Variants in DLG2 observed in about 807,000 individuals in gnomAD.
The protein encoded by DLG2 is disks large homolog 2.
DLG2 carries 45 observed loss-of-function variants against 132.5 expected under a neutral mutation model. The observed-to-expected ratio is 0.34, with a 90% CI of 0.27 to 0.44. The LOEUF is 0.44. DLG2 is among the 20% of genes least tolerant of loss of function. The pLI, the probability that DLG2 is intolerant of heterozygous loss-of-function variation, is 1.00. For synonymous variants in DLG2, 424 were observed against 419.6 expected (o/e 1.01, Z -0.13); for missense variants, 1,045 against 1,196.9 (o/e 0.87, Z 1.87).
chr11:83,480,145 T>C (rs1002452964), intron 22 of DLG2, among the ~76,000 whole-genome samples: 3 of 152,060 alleles, frequency 2.0e-5, no homozygotes, highest in Non-Finnish European at 4.4e-5. Flanking sequence ...GTTGGAATTG[T>C]TTATTAGCAA....
intron 11 of DLG2, among the ~76,000 whole-genome samples, chr11:84,015,773 T>C (rs1183944429): frequency 6.6e-6 from 1 of 152,222 alleles, no homozygotes; most frequent in Admixed American, 6.5e-5. Flanking sequence ...ATTTTCTTTA[T>C]CTAGTCTATC....
chr11:84,171,659 T>C (rs977127442), intron 8 of DLG2, among the ~76,000 whole-genome samples: 1 of 152,218 alleles, frequency 6.6e-6, no homozygotes, highest in African/African-American at 2.4e-5. Flanking sequence ...ATCTTTGCTA[T>C]TGTGAATAGA....
At chr11:83,790,046 T>A in intron 17 of DLG2, 7 of 1,377,578 alleles carry the variant, frequency 5.1e-6, no homozygotes, top group Non-Finnish European at 6.8e-6. Context: ...TATTCTGGTA[T>A]ACTGACATAA....
intron 7 of DLG2, among the ~76,000 whole-genome samples, chr11:84,294,068 C>CA (rs1424205315): frequency 6.6e-6 from 1 of 152,040 alleles, no homozygotes. Context: ...TACAGTACAC[C>CA]ATTCACCTTG....
intron 16 of DLG2, among the ~76,000 whole-genome samples, chr11:83,862,110 A>T (rs1469601798): frequency 6.6e-5 from 10 of 152,216 alleles, no homozygotes; most frequent in Admixed American, 6.5e-4. Context: ...AAAAGAAAGG[A>T]AATCAGTATA....
At chr11:84,559,346 G>A (rs971783544) in intron 6 of DLG2, among the ~76,000 whole-genome samples, 7 of 152,018 alleles carry the variant, frequency 4.6e-5, no homozygotes, top group Non-Finnish European at 8.8e-5. Flanking sequence ...TAGGGAGATG[G>A]CATAACTTAG....
At chr11:85,107,268 C>T (rs989312978) in intron 6 of DLG2, among the ~76,000 whole-genome samples, 6 of 151,870 alleles carry the variant, frequency 4.0e-5, no homozygotes, top group African/African-American at 1.4e-4. Context: ...AAATATGCAA[C>T]AAAACAAAAG....
At chr11:84,821,222 CAAAG>C (rs1345083830) in intron 6 of DLG2, among the ~76,000 whole-genome samples, 2 of 151,774 alleles carry the variant, frequency 1.3e-5, no homozygotes, top group African/African-American at 4.8e-5. Flanking sequence ...TGTGTCTTCC[CAAAG>C]ACAGACCACT....
chr11:83,953,939 TGAAAG>T (rs2086152744), intron 14 of DLG2, among the ~76,000 whole-genome samples: 1 of 152,182 alleles, frequency 6.6e-6, no homozygotes, highest in Non-Finnish European at 1.5e-5. Flanking sequence ...AACTAAAGAA[TGAAAG>T]CAAGGATGAA....
intron 10 of DLG2, among the ~76,000 whole-genome samples, chr11:84,092,190 C>T (rs2097103397): frequency 6.6e-6 from 1 of 152,286 alleles, no homozygotes; most frequent in Non-Finnish European, 1.5e-5. Flanking sequence ...TGTCCACATT[C>T]GAAGGAAAGG....
chr11:83,936,927 G>A (rs1220150503), intron 14 of DLG2, among the ~76,000 whole-genome samples: 27 of 152,158 alleles, frequency 1.8e-4, no homozygotes, highest in Admixed American at 1.7e-3. Flanking sequence ...TAGTCTAAGA[G>A]TCACAGGGTC....
intron 6 of DLG2, among the ~76,000 whole-genome samples, chr11:84,804,234 G>T (rs1223870132): frequency 1.3e-5 from 2 of 152,154 alleles, no homozygotes; most frequent in African/African-American, 4.8e-5. Context: ...CCAACTTTAT[G>T]TTTACAGTGA....
chr11:85,041,878 G>A (rs2061898633), intron 6 of DLG2, among the ~76,000 whole-genome samples: 1 of 151,906 alleles, frequency 6.6e-6, no homozygotes, highest in Admixed American at 6.6e-5. Context: ...CTCTCTATGA[G>A]CAGAAGCAAA....
chr11:84,306,633 T>C (rs532717005), intron 7 of DLG2, among the ~76,000 whole-genome samples: 26 of 152,230 alleles, frequency 1.7e-4, no homozygotes, highest in Non-Finnish European at 3.4e-4. Context: ...TTAATATTCA[T>C]GACTGTCTAG....
chr11:84,700,100 T>C lies in DLG2; in HGVS notation c.358-165369A>G, dbSNP rs541565821. On this transcript the variant is annotated intron_variant, in intron 6 of 27. Transcript: ENST00000376104. Reference sequence around the variant, plus strand: ...ATAGGTAGTTAATAAATGCTACTTTTCTTCCTTTACTTTCTTTGCTATTAA... The same window carrying C: ...ATAGGTAGTTAATAAATGCTACTTTCCTTCCTTTACTTTCTTTGCTATTAA... Among the ~76,000 whole-genome samples the C allele has an allele frequency of 6.6e-5, 10 of 151,826 alleles. No homozygotes were observed. The South Asian group carries it at 1.4e-3, about 22-fold the overall frequency.
At chr11:85,440,945 C>T (rs1337149949) in intron 3 of DLG2, among the ~76,000 whole-genome samples, 1 of 152,134 alleles carries the variant, frequency 6.6e-6, no homozygotes, top group Non-Finnish European at 1.5e-5. Context: ...ATGGTGGTAC[C>T]TTGTCACGTC....
chr11:84,397,959 T>G (rs1352214824), intron 7 of DLG2, among the ~76,000 whole-genome samples: 1 of 152,210 alleles, frequency 6.6e-6, no homozygotes, highest in Non-Finnish European at 1.5e-5. Context: ...ATAATTTGTT[T>G]TGATGCAAAA....
intron 8 of DLG2, among the ~76,000 whole-genome samples, chr11:84,196,610 A>G (rs1478065454): frequency 6.6e-6 from 1 of 152,206 alleles, no homozygotes; most frequent in Non-Finnish European, 1.5e-5. Flanking sequence ...TAATTTAACT[A>G]ACTGGTATTT....
Position 83,822,404 on chromosome 11 carries a change from G to C in DLG2, c.1722+11210C>G, listed in dbSNP as rs1012731782. 5.3e-5 allele frequency among the ~76,000 whole-genome samples: 8 copies of C among 152,232 alleles called. No individual in the cohort carries two copies. In the South Asian group the frequency reaches 1.7e-3, roughly 32 times the overall value. ...TCAGTGAGCCAAATAATCCCCGATGGTCATTTATCATTTATCTACCCAGTG... is the reference window on the plus strand; with the variant it reads ...TCAGTGAGCCAAATAATCCCCGATGCTCATTTATCATTTATCTACCCAGTG... On this transcript the variant is annotated intron_variant, in intron 17 of 27. Coordinates refer to ENST00000376104, the MANE Select transcript of DLG2 (RefSeq NM_001142699.3).
Sources: gnomAD v4.1 joint callset for allele counts (sites outside exome capture counted in the v4.1 genomes callset) on GRCh38, gnomAD v4.1.1 for gene constraint, MANE v1.5 for transcripts, NCBI Gene and HGNC (gene_info 2026-07-23, HGNC 2026-07-21) for gene names.